USP48: variants seen among roughly 807,000 people sequenced by gnomAD.
USP48 encodes ubiquitin carboxyl-terminal hydrolase 48.
In USP48, 43 loss-of-function variants were observed where a neutral mutation model predicts 150.7. The observed-to-expected ratio is 0.29, with a 90% CI of 0.22 to 0.37. The LOEUF (loss-of-function observed/expected upper bound fraction) is 0.37. USP48 is among the 10% of genes least tolerant of loss of function. USP48 has a pLI of 1.00. For missense variants in USP48, 813 were observed against 1,249.6 expected (o/e 0.65, Z 5.27); for synonymous variants, 396 against 425.9 (o/e 0.93, Z 0.86).
At chr1:21,752,342 A>T (rs1385018667) in intron 5 of USP48, among the ~76,000 whole-genome samples, 185 bp downstream of exon 5, 2 of 152,230 alleles carry the variant, frequency 1.3e-5, no homozygotes, top group Non-Finnish European at 2.9e-5. Context: ...TAACACCTGG[A>T]TGGGTGCAAC....
In USP48 at chr1:21,728,560, T is replaced by A; in HGVS notation, c.1450+10A>T. The A allele has an allele frequency of 6.2e-7, 1 of 1,612,568 alleles. No individual in the cohort carries two copies. Among genetic ancestry groups the A allele is most frequent in the Non-Finnish European group, 8.5e-7 (1 of 1,179,374 alleles). On this transcript the variant is annotated intron_variant, in intron 11 of 26. Coordinates refer to ENST00000308271, the MANE Select transcript of USP48 (RefSeq NM_032236.8). ...ATGGCAACAGTGCTGTCCCAGAATA[T>A]CTTACAGACCAGCTCCAGCAGGTAA...
intron 9 of USP48, among the ~76,000 whole-genome samples, chr1:21,733,153 C>T (rs1010460523): frequency 2.3e-4 from 35 of 152,056 alleles, no homozygotes; most frequent in African/African-American, 4.6e-4. Flanking sequence ...TGGTGGCTCA[C>T]GCCTGTAATC....
chr1:21,756,983 T>A, intron 2 of USP48: 1 of 985,420 alleles, frequency 1.0e-6, no homozygotes, highest in Non-Finnish European at 1.2e-6. Flanking sequence ...GAACAGTGGA[T>A]TCTAGAAAAG....
chr1:21,708,530 A>C (rs554006449), intron 15 of USP48, among the ~76,000 whole-genome samples: 73 of 152,088 alleles, frequency 4.8e-4, no homozygotes, highest in South Asian at 3.1e-3. Flanking sequence ...ACAAACAAAC[A>C]AACCCAGGTC....
In USP48 at chr1:21,721,021, G is replaced by T; in HGVS notation, c.1894+15C>A. 6.2e-7 allele frequency: 1 copy of T among 1,613,902 alleles called. No individual in the cohort carries two copies. Among genetic ancestry groups the T allele is most frequent in the Non-Finnish European group, 8.5e-7 (1 of 1,179,828 alleles). ...ATAGTTTCACAATGATCTACACATA[G>T]GTTTAAAGTGTTACCTTTATTTAAG... is the stretch of plus-strand genomic sequence containing the variant. On this transcript the variant is annotated intron_variant, in intron 14 of 26. Transcript: ENST00000308271.
chr1:21,690,668 T>C (rs1479908615), intron 23 of USP48, among the ~76,000 whole-genome samples: 1 of 151,956 alleles, frequency 6.6e-6, no homozygotes, highest in East Asian at 1.9e-4. Flanking sequence ...AGACTACAGA[T>C]GTGTGCTACC....
At chr1:21,733,801 C>CT (rs1310519788) in intron 9 of USP48, among the ~76,000 whole-genome samples, 184 of 148,446 alleles carry the variant, frequency 1.2e-3, no homozygotes, top group Middle Eastern at 3.5e-3. Flanking sequence ...TTTTTTTTTT[C>CT]TTTTTTTTCA....
chr1:21,750,561 G>A (rs1372624874), intron 6 of USP48, among the ~76,000 whole-genome samples: 1 of 152,094 alleles, frequency 6.6e-6, no homozygotes, highest in South Asian at 2.1e-4. Context: ...AACACTGCCT[G>A]ACACAGTAAG....
Position 21,703,545 on chromosome 1 carries a change from G to A in USP48, c.2589C>T (p.Thr863=). ...QRDLREYTQA[T]IYVHKVVDNK... is the part of the protein sequence containing the mutation. The stretch of plus-strand genomic sequence containing the variant: ...TATCCACAACTTTATGGACATAGAT[G>A]GTGGCTTGAGTGTATTCACGCAGGT... Residue 863 remains threonine, a synonymous_variant, in exon 21 of 27, where the codon ACC becomes ACT. Coordinates refer to ENST00000308271, the MANE Select transcript of USP48 (RefSeq NM_032236.8). The A allele has an allele frequency of 3.7e-6, 6 of 1,612,928 alleles. No individual in the cohort carries two copies. The highest frequency in any genetic ancestry group is 5.1e-6 in the Non-Finnish European group (6 of 1,179,942).
intron 1 of USP48, among the ~76,000 whole-genome samples, chr1:21,775,946 T>C (rs946080582): frequency 6.6e-6 from 1 of 152,114 alleles, no homozygotes; most frequent in African/African-American, 2.4e-5. Flanking sequence ...ACAAAATAAA[T>C]ACATATTAAA....
intron 24 of USP48, among the ~76,000 whole-genome samples, chr1:21,688,335 CAGCCTCCCG>C (rs2097585259): frequency 6.6e-6 from 1 of 151,986 alleles, no homozygotes; most frequent in Admixed American, 6.6e-5. Context: ...TCTCCTGTCT[CAGCCTCCCG>C]AGTAGCTGGG....
At chr1:21,705,695 A>G (rs765476109) in intron 19 of USP48, 32 bp downstream of exon 19, 4 of 1,448,682 alleles carry the variant, frequency 2.8e-6, no homozygotes, top group Non-Finnish European at 3.8e-6. Flanking sequence ...AGAAAAGAAG[A>G]AAAAAAAATC....
chr1:21,754,972 T>C (rs948478156), intron 3 of USP48, among the ~76,000 whole-genome samples: 1 of 152,156 alleles, frequency 6.6e-6, no homozygotes, highest in African/African-American at 2.4e-5. Context: ...AGACTATCCG[T>C]TGGATGTTCT....
chr1:21,694,921 C>T (rs1050102681), intron 23 of USP48, 145 bp downstream of exon 23: 1 of 935,564 alleles, frequency 1.1e-6, no homozygotes, highest in Non-Finnish European at 1.5e-6. Flanking sequence ...TTCATCTTCA[C>T]AAAAAGATTT....
At chr1:21,680,662 G>T in intron 26 of USP48, 146 bp downstream of exon 26, 1 of 770,254 alleles carries the variant, frequency 1.3e-6, no homozygotes, top group Non-Finnish European at 2.1e-6. Flanking sequence ...AGAAGCTTGA[G>T]TAAGAAATGC....
intron 25 of USP48, among the ~76,000 whole-genome samples, chr1:21,684,992 T>C (rs1204058920): frequency 1.3e-5 from 2 of 152,234 alleles, no homozygotes; most frequent in Non-Finnish European, 1.5e-5. Flanking sequence ...CTTTGTTCTT[T>C]TTGCTGAGGA....
At chr1:21,756,081 C>T (rs1470854713) in intron 3 of USP48, among the ~76,000 whole-genome samples, 1 of 151,768 alleles carries the variant, frequency 6.6e-6, no homozygotes, top group Non-Finnish European at 1.5e-5. Flanking sequence ...AGGAGAATTG[C>T]TTGAACCTGA....
intron 15 of USP48, among the ~76,000 whole-genome samples, chr1:21,711,978 G>A (rs2097691386): frequency 6.6e-6 from 1 of 152,202 alleles, no homozygotes; most frequent in Non-Finnish European, 1.5e-5. Flanking sequence ...TCCTAGACAG[G>A]TGACTCTTGC....
At chr1:21,683,246 AAAAAAAT>A (rs1485710615) in intron 25 of USP48, among the ~76,000 whole-genome samples, 8 of 152,168 alleles carry the variant, frequency 5.3e-5, no homozygotes, top group East Asian at 3.8e-4. Flanking sequence ...ACTCCATCTC[AAAAAAAT>A]AAAAAATAAA....
Sources: allele counts gnomAD v4.1 joint callset (sites outside exome capture counted in the v4.1 genomes callset), GRCh38; gene constraint gnomAD v4.1.1; transcripts MANE v1.5; gene names NCBI Gene and HGNC (gene_info 2026-07-23, HGNC 2026-07-21).